EP400: variants seen among roughly 807,000 people sequenced by gnomAD.
EP400 encodes E1A binding protein p400, also known as E1A-binding protein p400.
Under a neutral mutation model 354.1 loss-of-function variants are expected in EP400, and 105 were observed. The observed-to-expected ratio is 0.30, with a 90% CI of 0.25 to 0.35. The LOEUF (loss-of-function observed/expected upper bound fraction) is 0.35, where lower values mean the gene tolerates loss of function less well. Ranked by LOEUF, EP400 falls within the 10% of genes least tolerant of loss-of-function variation. The probability of loss-of-function intolerance (pLI) is 1.00; values close to 1 mark genes in which losing one functional copy is unlikely to be tolerated. For missense variants in EP400, 3,280 were observed against 4,121.0 expected, an observed-to-expected ratio of 0.80 and a Z score of 5.59; for synonymous variants, 1,646 against 1,716.9, an observed-to-expected ratio of 0.96 and a Z score of 1.02.
intron 1 of EP400, among the ~76,000 whole-genome samples, chr12:131,955,616 T>C (rs1891670463): frequency 6.6e-6 from 1 of 151,548 alleles, no homozygotes; most frequent in African/African-American, 2.4e-5. Flanking sequence ...TTGAATTTTT[T>C]TTCTTAGTCC....
Position 132,055,160 on chromosome 12 carries a change from G to T in EP400, c.7836G>T (p.Gln2612His). Reference protein sequence around the residue: ...TIAGVPAATFQSINKRLASPV... With the variant: ...TIAGVPAATFHSINKRLASPV... ...CAGGGGTCCCAGCTGCCACCTTCCA[G>T]TCCATCAACAAGCGCCTGGCGTCGC... The change falls in exon 45 of 53, where the codon CAG becomes CAT. Residue 2612 changes from glutamine to histidine, a missense_variant. Gln to His is a conservative substitution (Grantham distance 24). Transcript: ENST00000389561. 6.2e-7 allele frequency: 1 copy of T among 1,601,258 alleles called. No individual in the cohort carries two copies. Among genetic ancestry groups the T allele is most frequent in the Non-Finnish European group, 8.5e-7 (1 of 1,173,494 alleles).
chr12:132,073,919 GTTTTTTTT>G (rs34186152), intron 51 of EP400, among the ~76,000 whole-genome samples: 4 of 82,124 alleles, frequency 4.9e-5, no homozygotes, highest in South Asian at 4.4e-4. Flanking sequence ...GTTTTTTGGG[GTTTTTTTT>G]TTTTTTTTTT....
At position 132,017,600 on chromosome 12, in the gene EP400, G is replaced by A. The variant is rs777854609; in HGVS notation, c.3989G>A (p.Arg1330His). 9.9e-6 allele frequency: 16 copies of A among 1,613,558 alleles called. No homozygotes were observed. Among genetic ancestry groups the A allele is most frequent in the Admixed American group, 3.3e-5 (2 of 59,950 alleles). The change falls in exon 20 of 53, where the codon CGC becomes CAC. Residue 1330 changes from arginine (R) to histidine (H), a missense_variant. By Grantham distance (29) the Arg-to-His change is conservative. Coordinates refer to ENST00000389561, the MANE Select transcript of EP400 (RefSeq NM_015409.5). The surrounding 1 kb of genome is among the most constrained non-coding windows in gnomAD (Gnocchi z 5.0). The stretch of plus-strand genomic sequence containing the variant: ...CTGAGCATCCTTGTGCGGCTGCAGC[G>A]CATCTGCAACCACCCTGGGCTCGTC... ...NVLSILVRLQ[R>H]ICNHPGLVEP...
chr12:132,006,145 G>A lies in EP400; in HGVS notation c.2969G>A (p.Arg990His), dbSNP rs754646599. Residue 990 changes from arginine (R) to histidine (H), a missense_variant, in exon 14 of 53, where the codon CGC (arginine) becomes CAC (histidine). Transcript: ENST00000389561. ...ADDCPGDRES[R>H]KDLVLIDSLF... ...GACTGTCCAGGCGACAGGGAGAGTC[G>A]CAAGGACTTGGTTCTCATCGACTCG... 5 of 1,614,140 alleles carry A rather than the reference G, an allele frequency of 3.1e-6. No individual in the cohort carries two copies. Among genetic ancestry groups the A allele is most frequent in the Non-Finnish European group, 3.4e-6 (4 of 1,180,016 alleles).
rs1376341273 is a variant in EP400, at chr12:132,067,465, C to T, written c.8853C>T (p.Gly2951=). The T allele has an allele frequency of 6.2e-7, 1 of 1,613,028 alleles. No homozygotes were observed. Among genetic ancestry groups the T allele is most frequent in the East Asian group, 2.2e-5 (1 of 44,868 alleles). ...CCATCCAGCCCCAGGCTGCACAGGG[C>T]CCGGCAGCCGTCCAGCAGAAGGTAC... is the stretch of plus-strand genomic sequence containing the variant. ...QKAIQPQAAQ[G]PAAVQQKITA... is the part of the protein sequence containing the mutation. The change falls in exon 50 of 53, where the codon GGC becomes GGT. Residue 2951 remains glycine, a synonymous_variant. Coordinates refer to ENST00000389561, the MANE Select transcript of EP400 (RefSeq NM_015409.5). The surrounding 1 kb of genome is among the most constrained non-coding windows in gnomAD (Gnocchi z 5.3).
At position 131,979,546 on chromosome 12, in the gene EP400, C is replaced by G. The variant is rs963862144; in HGVS notation, c.1336-148C>G. On this transcript the variant is annotated intron_variant, in intron 2 of 52. Transcript: ENST00000389561. ...GTTTATTATACATAAATATACATTACACATGTATATTTAAAGACACGGGGT... is the reference window on the plus strand; with the variant it reads ...GTTTATTATACATAAATATACATTAGACATGTATATTTAAAGACACGGGGT... 24 of 565,208 alleles carry G rather than the reference C, an allele frequency of 4.2e-5. No individual in the cohort carries two copies. In the South Asian group the frequency reaches 5.9e-4, roughly 14 times the overall value. The allele number at this position is 565,208 out of a possible 1,614,324, so 35.0% of individuals were successfully genotyped here.
Position 132,062,489 on chromosome 12 carries a change from A to C in EP400, c.8122A>C (p.Lys2708Gln), listed in dbSNP as rs1445771408. The C allele has an allele frequency of 6.2e-7, 1 of 1,613,200 alleles. No homozygotes were observed. The highest frequency in any genetic ancestry group is 1.1e-5 in the South Asian group (1 of 91,082). ...SQATGVQLPGKTITPAHFQLL... is the reference protein window; with the variant it reads ...SQATGVQLPGQTITPAHFQLL... ...AGCCACAGGAGTTCAGCTCCCTGGA[A>C]AAACCATCACACCTGCACATTTCCA... The change falls in exon 47 of 53, where the codon AAA becomes CAA. Residue 2708 changes from lysine (K) to glutamine (Q), a missense_variant. Coordinates refer to ENST00000389561, the MANE Select transcript of EP400 (RefSeq NM_015409.5).
chr12:131,986,665 C>G lies in EP400; in HGVS notation c.2081C>G (p.Ala694Gly), dbSNP rs1892865095. ...RSSPVNRPSS[A>G]TNKALSPVTS... ...TCTCCAGTAAATAGACCTTCCTCAG[C>G]CACCAATAAGGCACTATCTCCAGTC... The change falls in exon 6 of 53, where the codon GCC (alanine) becomes GGC (glycine). Residue 694 changes from alanine to glycine, a missense_variant. Physicochemically the swap from Ala to Gly is moderately conservative, Grantham distance 60 (BLOSUM62 0). This residue lies in a region of EP400 where 800 missense variants were observed against 840.0 expected (regional missense o/e 0.95). Transcript: ENST00000389561. 1.9e-6 allele frequency: 3 copies of G among 1,614,150 alleles called. No homozygotes were observed. In the East Asian group the frequency reaches 6.7e-5, roughly 36 times the overall value.
chr12:131,953,992 A>G (rs1359880898), intron 1 of EP400, among the ~76,000 whole-genome samples: 1 of 152,158 alleles, frequency 6.6e-6, no homozygotes. Context: ...TCACACCTGT[A>G]GTCCCAGCTA....
intron 47 of EP400, among the ~76,000 whole-genome samples, chr12:132,063,348 A>T (rs1359343915): frequency 2.0e-5 from 3 of 152,196 alleles, no homozygotes; most frequent in Non-Finnish European, 4.4e-5. Context: ...CCCCGTCTCT[A>T]CTAGAAATAC....
rs1391558565 is a variant in EP400 at position 132,038,617 on chromosome 12, C to A, written c.6207+521C>A. On this transcript the variant is annotated intron_variant, in intron 32 of 52. Transcript: ENST00000389561. This position sits in a 1 kb window ranked among gnomAD's most constrained non-coding sequence, Gnocchi z 4.2. ...GTTGAAGTGATAATATTTTGGCTAT[C>A]GGGTTATGTCAATATTTTACTGTTT... Among the ~76,000 whole-genome samples the A allele has an allele frequency of 6.6e-6, 1 of 152,180 alleles. No individual in the cohort carries two copies. Among genetic ancestry groups the A allele is most frequent in the African/African-American group, 2.4e-5 (1 of 41,436 alleles).
chr12:132,001,428 TA>T (rs1422554668), intron 12 of EP400, among the ~76,000 whole-genome samples: 1 of 152,190 alleles, frequency 6.6e-6, no homozygotes, highest in Non-Finnish European at 1.5e-5. Flanking sequence ...TACTGTTATC[TA>T]AAAGGCAGAG....
At position 131,986,800 on chromosome 12, in the gene EP400, T is replaced by C. The variant is rs1426894956; in HGVS notation, c.2216T>C (p.Ile739Thr). ...DSSQDTLTEQ[I>T]TLENQVHQRI... ...TCTCAGGATACGCTGACAGAACAAA[T>C]AACTCTGGTAAGCATGCTTAAGAAA... The change falls in exon 6 of 53, where the codon ATA becomes ACA. Residue 739 changes from isoleucine (I) to threonine (T), a missense_variant. By Grantham distance (89) the Ile-to-Thr change is moderately conservative. This residue lies in a region of EP400 where 800 missense variants were observed against 840.0 expected (regional missense o/e 0.95). Transcript: ENST00000389561. 1.2e-6 allele frequency: 2 copies of C among 1,602,822 alleles called. No homozygotes were observed. Among genetic ancestry groups the C allele is most frequent in the Admixed American group, 1.7e-5 (1 of 58,118 alleles).
At chr12:132,023,645 C>T (rs1407986646) in intron 23 of EP400, 132 bp from the exon 24 acceptor site, 2 of 696,436 alleles carry the variant, frequency 2.9e-6, no homozygotes, top group Non-Finnish European at 4.6e-6. Context: ...GAAAACACTA[C>T]CTGATAAACA....
intron 2 of EP400, among the ~76,000 whole-genome samples, chr12:131,978,420 A>G (rs1892555506): frequency 6.6e-6 from 1 of 152,316 alleles, no homozygotes; most frequent in Non-Finnish European, 1.5e-5. Flanking sequence ...GCACCTGGCA[A>G]CCACTCATCT....
chr12:131,991,659 C>T (rs1025779553), intron 10 of EP400, among the ~76,000 whole-genome samples: 1 of 151,082 alleles, frequency 6.6e-6, no homozygotes, highest in Non-Finnish European at 1.5e-5. Flanking sequence ...CAGCTCACTG[C>T]AACCTCTGCC....
chr12:132,020,284 T>G, intron 22 of EP400, 66 bp downstream of exon 22: 29 of 1,486,940 alleles, frequency 2.0e-5, no homozygotes, highest in Non-Finnish European at 2.6e-5. Context: ...TTCATGGCAC[T>G]TTCTTCTCGC....
chr12:131,997,324 G>T (rs184736041), intron 12 of EP400, among the ~76,000 whole-genome samples: 1 of 150,592 alleles, frequency 6.6e-6, no homozygotes, highest in Non-Finnish European at 1.5e-5. Context: ...AGGCTGGAGT[G>T]AGTGGCGGAT....
In EP400 at chr12:132,064,705, T is replaced by C. The variant is rs1565934366; in HGVS notation, c.8372T>C (p.Met2791Thr). Residue 2791 changes from methionine to threonine, a missense_variant, in exon 48 of 53, where the codon ATG becomes ACG. By Grantham distance (81) the Met-to-Thr change is moderately conservative. Transcript: ENST00000389561. Reference protein sequence around the residue: ...LIKMQKQKLQMPPQPPPPQAQ... With the variant: ...LIKMQKQKLQTPPQPPPPQAQ... ...AAAATGCAGAAGCAGAAACTGCAGA[T>C]GCCCCCGCAGCCCCCACCGCCACAG... 6.2e-7 allele frequency: 1 copy of C among 1,613,278 alleles called. No homozygotes were observed. The highest frequency in any genetic ancestry group is 8.5e-7 in the Non-Finnish European group (1 of 1,179,430).
Sources: gnomAD v4.1 joint callset for allele counts (sites outside exome capture counted in the v4.1 genomes callset) on GRCh38, gnomAD v4.1.1 for gene constraint, gnomAD v4.1.1 regional missense constraint, Gnocchi (gnomAD v3.1) non-coding constraint, MANE v1.5 for transcripts, NCBI Gene and HGNC (gene_info 2026-07-23, HGNC 2026-07-21) for gene names.